ATXN7L1: variants seen among roughly 807,000 people sequenced by gnomAD.
ATXN7L1 encodes the protein ataxin 7 like 1.
Under a neutral mutation model 70.8 loss-of-function variants are expected in ATXN7L1, and 15 were observed. The ratio of observed to expected loss-of-function variants is 0.21; its 90% confidence interval spans 0.14 to 0.33. The LOEUF (loss-of-function observed/expected upper bound fraction) is 0.33, where lower values mean the gene tolerates loss of function less well. Among genes scored for constraint, ATXN7L1 ranks in the 10% least tolerant of loss-of-function variants. ATXN7L1 has a pLI of 1.00. For synonymous variants in ATXN7L1, 440 were observed against 445.1 expected (o/e 0.99, Z 0.14); for missense variants, 975 against 1,097.1 (o/e 0.89, Z 1.57).
At chr7:105,759,108 T>C (rs1584937300) in intron 3 of ATXN7L1, among the ~76,000 whole-genome samples, 2 of 150,944 alleles carry the variant, frequency 1.3e-5, no homozygotes, top group Non-Finnish European at 2.9e-5. Context: ...ATAATAAATA[T>C]ACTAAATTAT....
chr7:105,720,487 C>T (rs1795065584), intron 3 of ATXN7L1, among the ~76,000 whole-genome samples: 1 of 152,182 alleles, frequency 6.6e-6, no homozygotes, highest in Non-Finnish European at 1.5e-5. Flanking sequence ...GTTGTGATCA[C>T]AGCTCACGGC....
At chr7:105,613,779 G>T (rs910670066) in intron 10 of ATXN7L1, 83 bp downstream of exon 10, 1 of 1,546,544 alleles carries the variant, frequency 6.5e-7, no homozygotes, top group Middle Eastern at 1.7e-4. Context: ...GTTACCTGTC[G>T]GAGCCGCCCG....
intron 3 of ATXN7L1, among the ~76,000 whole-genome samples, chr7:105,670,512 A>G (rs1227438334): frequency 6.6e-6 from 1 of 152,192 alleles, no homozygotes; most frequent in Non-Finnish European, 1.5e-5. Context: ...ATCAATGGAT[A>G]TTTTGGACTA....
chr7:105,709,471 T>C (rs1793612322), intron 3 of ATXN7L1, among the ~76,000 whole-genome samples: 1 of 152,124 alleles, frequency 6.6e-6, no homozygotes, highest in Admixed American at 6.6e-5. Context: ...GAGGAGTATA[T>C]ATGCAGACCA....
rs145767640 is a variant in ATXN7L1, at chr7:105,710,739, A to G, written c.356-45451T>C. Among the ~76,000 whole-genome samples the G allele has an allele frequency of 6.0e-4, 91 of 152,170 alleles. 2 individuals carry two copies. The East Asian group carries it at 0.016, about 26-fold the overall frequency. On this transcript the variant is annotated intron_variant, in intron 3 of 11. Coordinates refer to ENST00000419735, the MANE Select transcript of ATXN7L1 (RefSeq NM_020725.2). ...ATCTTTTTGGTTTAAACACTTTTAAACCATCTGGCCAGTGCCACACACTTT... is the reference window on the plus strand; with the variant it reads ...ATCTTTTTGGTTTAAACACTTTTAAGCCATCTGGCCAGTGCCACACACTTT...
chr7:105,733,898 AT>A (rs1797077224), intron 3 of ATXN7L1, among the ~76,000 whole-genome samples: 3 of 117,722 alleles, frequency 2.5e-5, no homozygotes, highest in Admixed American at 8.8e-5. Context: ...TCATCCATCC[AT>A]CCATCATCCA....
chr7:105,852,253 A>G (rs979094664), intron 2 of ATXN7L1, among the ~76,000 whole-genome samples: 2 of 152,106 alleles, frequency 1.3e-5, no homozygotes, highest in African/African-American at 2.4e-5. Context: ...ACAGATGGAG[A>G]TCACCAGGAC....
At chr7:105,627,929 C>A (rs1159000882) in intron 7 of ATXN7L1, among the ~76,000 whole-genome samples, 2 of 141,860 alleles carry the variant, frequency 1.4e-5, no homozygotes, top group Non-Finnish European at 3.0e-5. Context: ...ACTGCAACGT[C>A]TGCCACCCGG....
intron 3 of ATXN7L1, among the ~76,000 whole-genome samples, chr7:105,700,688 T>G (rs1179722589): frequency 6.6e-6 from 1 of 151,826 alleles, no homozygotes; most frequent in Non-Finnish European, 1.5e-5. Flanking sequence ...GCTCTATTAT[T>G]ATTATTATTT....
At chr7:105,873,888 G>A (rs931401221) in intron 2 of ATXN7L1, among the ~76,000 whole-genome samples, 2 of 152,080 alleles carry the variant, frequency 1.3e-5, no homozygotes, top group African/African-American at 4.8e-5. Flanking sequence ...AGCACTTCGG[G>A]AGGCCAAGTG....
At chr7:105,613,801 G>A in intron 10 of ATXN7L1, 61 bp downstream of exon 10, 5 of 1,551,366 alleles carry the variant, frequency 3.2e-6, no homozygotes, top group South Asian at 1.2e-5. Context: ...CTAAGCAGGG[G>A]CGCTGCCCAG....
At chr7:105,733,500 ATCCT>A (rs1257596374) in intron 3 of ATXN7L1, among the ~76,000 whole-genome samples, 9,958 of 139,752 alleles carry the variant, frequency 0.071, 832 homozygotes, top group African/African-American at 0.12. Context: ...CCACCCATCC[ATCCT>A]TCCATCCATC....
chr7:105,648,420 G>A (rs17280230), intron 4 of ATXN7L1, among the ~76,000 whole-genome samples: 37,514 of 152,086 alleles, frequency 0.25, 5,764 homozygotes, highest in Middle Eastern at 0.36. Flanking sequence ...CAGTATACAC[G>A]CTAGCCATCG....
At chr7:105,700,330 AC>A (rs539090024) in intron 3 of ATXN7L1, among the ~76,000 whole-genome samples, 1 of 151,458 alleles carries the variant, frequency 6.6e-6, no homozygotes, top group South Asian at 2.1e-4. Context: ...ACATGGTGAA[AC>A]CCCATCTCTA....
intron 3 of ATXN7L1, among the ~76,000 whole-genome samples, chr7:105,676,088 C>T (rs575197405): frequency 5.3e-5 from 8 of 152,234 alleles, no homozygotes; most frequent in East Asian, 1.9e-4. Context: ...TGGAGGAGAA[C>T]GGACGCGGCC....
chr7:105,813,936 T>C (rs2116547046), intron 2 of ATXN7L1, among the ~76,000 whole-genome samples: 1 of 152,306 alleles, frequency 6.6e-6, no homozygotes, highest in South Asian at 2.1e-4. Flanking sequence ...CTCCCACCAG[T>C]ATGAGTCCCA....
intron 3 of ATXN7L1, among the ~76,000 whole-genome samples, chr7:105,672,989 T>G (rs1804006990): frequency 6.6e-6 from 1 of 152,222 alleles, no homozygotes; most frequent in Non-Finnish European, 1.5e-5. Context: ...CAAGACCACC[T>G]GCTTCCCCAC....
intron 3 of ATXN7L1, among the ~76,000 whole-genome samples, chr7:105,689,176 G>A (rs1005769023): frequency 2.0e-5 from 3 of 152,180 alleles, no homozygotes; most frequent in African/African-American, 7.2e-5. Context: ...AAGAGAGAAG[G>A]AGTGGGCTCA....
intron 8 of ATXN7L1, among the ~76,000 whole-genome samples, chr7:105,623,161 G>A (rs920439500): frequency 1.3e-5 from 2 of 152,196 alleles, no homozygotes; most frequent in Non-Finnish European, 2.9e-5. Context: ...GAAAGGAAGT[G>A]AACTTGGCCT....
Sources: gnomAD v4.1 joint callset for allele counts (sites outside exome capture counted in the v4.1 genomes callset) on GRCh38, gnomAD v4.1.1 for gene constraint, MANE v1.5 for transcripts, NCBI Gene and HGNC (gene_info 2026-07-23, HGNC 2026-07-21) for gene names.